GABARAPL2: variants seen among roughly 807,000 people sequenced by gnomAD.
The protein encoded by GABARAPL2 is GABA type A receptor associated protein like 2.
In GABARAPL2, 11 loss-of-function variants were observed where a neutral mutation model predicts 16.9. The observed-to-expected ratio is 0.65, with a 90% CI of 0.41 to 1.08. GABARAPL2 has a LOEUF of 1.08. Among genes scored for constraint, GABARAPL2 ranks in the 50% least tolerant of loss-of-function variants. GABARAPL2 has a pLI of 0.00. For synonymous variants in GABARAPL2, 57 were observed against 50.7 expected (o/e 1.12, Z -0.53); for missense variants, 134 against 142.5 (o/e 0.94, Z 0.30).
chr16:75,567,056 G>GC, intron 2 of GABARAPL2, 149 bp downstream of exon 2: 1 of 702,872 alleles, frequency 1.4e-6, no homozygotes, highest in Non-Finnish European at 2.5e-6. Context: ...GCCGCCCAGG[G>GC]CCGGGGCGTG....
At chr16:75,570,121 A>T (rs2080906610) in intron 3 of GABARAPL2, among the ~76,000 whole-genome samples, 1 of 151,862 alleles carries the variant, frequency 6.6e-6, no homozygotes, top group African/African-American at 2.4e-5. Context: ...TTTGAGACAG[A>T]GTCTCACTCT....
intron 3 of GABARAPL2, among the ~76,000 whole-genome samples, chr16:75,574,924 T>C (rs938575019): frequency 1.6e-4 from 24 of 151,864 alleles, no homozygotes; most frequent in Non-Finnish European, 4.4e-5. Context: ...TCCCAGCTAC[T>C]TGGGAGGCTA....
Position 75,577,347 on chromosome 16 carries a change from G to C in GABARAPL2, c.332G>C (p.Gly111Ala). Reference protein sequence around the residue: ...EDGFLYVAYSGENTFGF With the variant: ...EDGFLYVAYSAENTFGF ...GGATTCTTATATGTGGCCTACAGCG[G>C]AGAGAACACTTTTGGCTTCTGAGGG... Residue 111 changes from glycine (G) to alanine (A), a missense_variant, in exon 4 of 4, where the codon GGA (glycine) becomes GCA (alanine). Gly to Ala is a moderately conservative substitution (Grantham distance 60). Transcript: ENST00000037243. 1 of 1,611,154 alleles carries C rather than the reference G, an allele frequency of 6.2e-7. No individual in the cohort carries two copies. The highest frequency in any genetic ancestry group is 8.5e-7 in the Non-Finnish European group (1 of 1,177,274).
intron 3 of GABARAPL2, among the ~76,000 whole-genome samples, chr16:75,574,266 G>A (rs1420265618): frequency 6.6e-6 from 1 of 152,182 alleles, no homozygotes; most frequent in Non-Finnish European, 1.5e-5. Flanking sequence ...GTAGCAGCGG[G>A]ATTTAGAATC....
chr16:75,570,284 C>T (rs2080907715), intron 3 of GABARAPL2, among the ~76,000 whole-genome samples: 1 of 152,086 alleles, frequency 6.6e-6, no homozygotes, highest in African/African-American at 2.4e-5. Context: ...AAATTTGTTT[C>T]TAAACATAAG....
chr16:75,571,957 C>T (rs952098194), intron 3 of GABARAPL2, among the ~76,000 whole-genome samples: 3 of 152,070 alleles, frequency 2.0e-5, no homozygotes, highest in East Asian at 1.9e-4. Context: ...GGATTACAGG[C>T]GTGAGCCACT....
At chr16:75,577,028 G>A (rs961176517) in intron 3 of GABARAPL2, 4 of 377,790 alleles carry the variant, frequency 1.1e-5, no homozygotes, top group East Asian at 5.0e-5. Flanking sequence ...GTGTTAGCCA[G>A]CCAAAGCCCC....
At chr16:75,567,755 T>G (rs57619500) in intron 2 of GABARAPL2, among the ~76,000 whole-genome samples, 1 of 152,294 alleles carries the variant, frequency 6.6e-6, no homozygotes, top group South Asian at 2.1e-4. Context: ...CCCCAGATAT[T>G]CTTAGGTCTG....
At chr16:75,574,544 G>A (rs1287505694) in intron 3 of GABARAPL2, among the ~76,000 whole-genome samples, 1 of 152,048 alleles carries the variant, frequency 6.6e-6, no homozygotes, top group Non-Finnish European at 1.5e-5. Context: ...AGAGAAAAAT[G>A]GGGTTACTCT....
At position 75,568,289 on chromosome 16, in the gene GABARAPL2, C is replaced by A. The variant is rs902216804; in HGVS notation, c.263+80C>A. ...TACGGAACTCCAAAACTTTGGAAGT[C>A]TGAAAACTCTTAGGGGTCCTGACTA... On this transcript the variant is annotated intron_variant, in intron 3 of 3. Coordinates refer to ENST00000037243, the MANE Select transcript of GABARAPL2 (RefSeq NM_007285.7). 5 of 1,006,576 alleles carry A rather than the reference C, an allele frequency of 5.0e-6. No individual in the cohort carries two copies. The African/African-American group carries it at 8.0e-5, about 16-fold the overall frequency. 62.4% of individuals were successfully genotyped at this position (1,006,576 alleles called of 1,614,324 possible).
intron 3 of GABARAPL2, chr16:75,576,986 TCC>T (rs1201990714): frequency 1.1e-5 from 3 of 284,128 alleles, no homozygotes; most frequent in Non-Finnish European, 2.0e-5. Flanking sequence ...CTTAGTTTCT[TCC>T]CTTGTCCTTG....
At chr16:75,576,546 CCT>C (rs1567446711) in intron 3 of GABARAPL2, 1 of 152,278 alleles carries the variant, frequency 6.6e-6, no homozygotes, top group Non-Finnish European at 1.5e-5. Context: ...ATTTGCACTT[CCT>C]CTCATCTCAG....
At chr16:75,572,986 G>C (rs1179808067) in intron 3 of GABARAPL2, among the ~76,000 whole-genome samples, 1 of 152,238 alleles carries the variant, frequency 6.6e-6, no homozygotes, top group Non-Finnish European at 1.5e-5. Context: ...CTTGCGAGTT[G>C]TCAGGGCATC....
intron 3 of GABARAPL2, among the ~76,000 whole-genome samples, chr16:75,573,884 G>T (rs2080931234): frequency 6.6e-6 from 1 of 152,134 alleles, no homozygotes; most frequent in African/African-American, 2.4e-5. Flanking sequence ...TAGGAACTAT[G>T]GATTATGGTA....
rs138160315 is a variant in GABARAPL2 at position 75,573,391 on chromosome 16, G to A, written c.264-3888G>A. Among the ~76,000 whole-genome samples, 245 of 152,284 alleles carry A rather than the reference G, an allele frequency of 1.6e-3. 4 individuals are homozygous for A. In the East Asian group the frequency reaches 0.038, roughly 24 times the overall value. On this transcript the variant is annotated intron_variant, in intron 3 of 3. Coordinates refer to ENST00000037243, the MANE Select transcript of GABARAPL2 (RefSeq NM_007285.7). ...GTTTTCAAATCAGTCTTGCTTCATG[G>A]CACCCAGTGAAGCCTCAAAATTAGG...
chr16:75,568,787 A>G (rs187450904), intron 3 of GABARAPL2, among the ~76,000 whole-genome samples: 2 of 152,334 alleles, frequency 1.3e-5, no homozygotes, highest in East Asian at 3.9e-4. Flanking sequence ...GCCTGGAAGC[A>G]ATCTTTGGGA....
chr16:75,569,438 T>A (rs903835598), intron 3 of GABARAPL2, among the ~76,000 whole-genome samples: 2 of 152,188 alleles, frequency 1.3e-5, no homozygotes, highest in Non-Finnish European at 2.9e-5. Flanking sequence ...TAACCTTCCT[T>A]CCCAGGCCTC....
intron 2 of GABARAPL2, 94 bp downstream of exon 2, chr16:75,567,001 G>A (rs1016540161): frequency 8.2e-6 from 9 of 1,101,980 alleles, no homozygotes; most frequent in East Asian, 4.9e-5. Context: ...ACAAGTTGAG[G>A]TTCCAGTCCC....
intron 3 of GABARAPL2, chr16:75,576,455 C>G (rs1183930367): frequency 1.3e-5 from 2 of 152,238 alleles, no homozygotes; most frequent in Non-Finnish European, 2.9e-5. Flanking sequence ...ACTTACCTAT[C>G]TGGGCTAGTG....
Sources: gnomAD v4.1 joint callset for allele counts (sites outside exome capture counted in the v4.1 genomes callset) on GRCh38, gnomAD v4.1.1 for gene constraint, MANE v1.5 for transcripts, NCBI Gene and HGNC (gene_info 2026-07-23, HGNC 2026-07-21) for gene names.